Variants in SMIM36 observed in about 807,000 individuals in gnomAD.
SMIM36 encodes small integral membrane protein 36.
At chr17:55,528,195 T>C in the SMIM36 span, 6 of 152,254 alleles carry the variant, frequency 3.9e-5, no homozygotes, top group Non-Finnish European at 8.8e-5. Flanking sequence ...GTTCTCCAAC[T>C]GCCTAGCCTC....
chr17:55,467,567 T>G (rs888826378), intron 3 of SMIM36, among the ~76,000 whole-genome samples: 2 of 152,082 alleles, frequency 1.3e-5, no homozygotes, highest in Non-Finnish European at 2.9e-5. Context: ...CAGCTAATTT[T>G]TTGTATTTTT....
At position 55,494,695 on chromosome 17, in the gene SMIM36, TACAC is replaced by T. The variant is rs559026546; in HGVS notation, c.*175-15119_*175-15116del. 1.5e-3 allele frequency among the ~76,000 whole-genome samples: 234 copies of T among 151,594 alleles called. 6 individuals carry two copies. In the South Asian group the frequency reaches 0.047, roughly 31 times the overall value. On this transcript the variant is annotated intron_variant, in intron 1 of 4. Transcript: ENST00000636752. ...TATTTTGTTTGAACACACACACACA[TACAC>T]ACTCACACGAGTGCTAAAATTATAA...
chr17:55,476,755 C>T (rs1048318526), intron 3 of SMIM36, among the ~76,000 whole-genome samples: 11 of 152,038 alleles, frequency 7.2e-5, no homozygotes, highest in Non-Finnish European at 1.0e-4. Context: ...TTAATAGAGA[C>T]GGGGCTTCAC....
the SMIM36 span, among the ~76,000 whole-genome samples, chr17:55,517,458 G>C: frequency 1.3e-5 from 2 of 152,216 alleles, no homozygotes; most frequent in African/African-American, 4.8e-5. Flanking sequence ...CCCAGCTTGG[G>C]AGGCTGAGGC....
chr17:55,526,041 G>T, the SMIM36 span, among the ~76,000 whole-genome samples: 17 of 152,272 alleles, frequency 1.1e-4, no homozygotes, highest in East Asian at 1.9e-4. Flanking sequence ...GGCCAACAAG[G>T]CCATTCTAAT....
chr17:55,501,865 G>A (rs888915478), intron 1 of SMIM36, among the ~76,000 whole-genome samples: 1 of 134,794 alleles, frequency 7.4e-6, no homozygotes, highest in African/African-American at 3.0e-5. Context: ...CAGGCCAGTG[G>A]GTGCGCGCAC....
intron 1 of SMIM36, among the ~76,000 whole-genome samples, chr17:55,500,526 A>T (rs1909889713): frequency 6.6e-6 from 1 of 151,848 alleles, no homozygotes; most frequent in Non-Finnish European, 1.5e-5. Context: ...TTGAAGAACA[A>T]ATTGAATGAA....
the SMIM36 span, among the ~76,000 whole-genome samples, chr17:55,522,702 T>A: frequency 6.6e-6 from 1 of 152,314 alleles, no homozygotes; most frequent in African/African-American, 2.4e-5. Context: ...AGCCAAATCA[T>A]GTCACCTCCA....
At chr17:55,497,425 C>T (rs536368580) in intron 1 of SMIM36, among the ~76,000 whole-genome samples, 10 of 152,056 alleles carry the variant, frequency 6.6e-5, no homozygotes, top group East Asian at 3.9e-4. Flanking sequence ...CCACCACGCC[C>T]GGCTAATTAT....
At chr17:55,493,414 G>A (rs763096117) in intron 1 of SMIM36, among the ~76,000 whole-genome samples, 4 of 152,146 alleles carry the variant, frequency 2.6e-5, no homozygotes, top group Non-Finnish European at 4.4e-5. Flanking sequence ...GAATATGGAT[G>A]AGAACCAAGC....
At position 55,489,781 on chromosome 17, in the gene SMIM36, C is replaced by G. The variant is rs546328934; in HGVS notation, c.*175-10201G>C. 7.2e-5 allele frequency among the ~76,000 whole-genome samples: 11 copies of G among 152,322 alleles called. No homozygotes were observed. The South Asian group carries it at 1.9e-3, about 26-fold the overall frequency. On this transcript the variant is annotated intron_variant, in intron 1 of 4. Transcript: ENST00000636752. Reference sequence around the variant, plus strand: ...AATTTTGCACATCTATAGCATAATCCTATGGCTCTTATCAAAAGTCTGAGC... The same window carrying G: ...AATTTTGCACATCTATAGCATAATCGTATGGCTCTTATCAAAAGTCTGAGC...
At chr17:55,487,919 G>T (rs1598453581) in intron 1 of SMIM36, among the ~76,000 whole-genome samples, 1 of 152,200 alleles carries the variant, frequency 6.6e-6, no homozygotes, top group Non-Finnish European at 1.5e-5. Flanking sequence ...ACGGAGTGGG[G>T]ATTCCAGACC....
In SMIM36 at chr17:55,510,842, T is replaced by G. The variant is rs904862084; in HGVS notation, c.*174+37A>C. ...TACAGCATTGCTGACAGTTTGCATTTGGAGAATTTGACTAAAGACCACTTT... is the reference window on the plus strand; with the variant it reads ...TACAGCATTGCTGACAGTTTGCATTGGGAGAATTTGACTAAAGACCACTTT... On this transcript the variant is annotated intron_variant, in intron 1 of 4. Coordinates refer to ENST00000636752, the Ensembl canonical transcript of SMIM36. The G allele has an allele frequency of 1.2e-5, 4 of 344,256 alleles. No individual in the cohort carries two copies. The East Asian group carries it at 1.7e-4, about 15-fold the overall frequency. The allele number at this position is 344,256 out of a possible 1,614,324, so 21.3% of individuals were successfully genotyped here. A position where few individuals can be genotyped will look rare whatever the true frequency, so the allele number is the denominator to read the frequency against.
chr17:55,507,596 G>A (rs1337010796), intron 1 of SMIM36, among the ~76,000 whole-genome samples: 2 of 102,456 alleles, frequency 2.0e-5, no homozygotes, highest in African/African-American at 7.6e-5. Context: ...GGGGAGGGGG[G>A]AGGGATAGCA....
At chr17:55,524,463 T>C in the SMIM36 span, among the ~76,000 whole-genome samples, 1 of 152,138 alleles carries the variant, frequency 6.6e-6, no homozygotes, top group Admixed American at 6.6e-5. Flanking sequence ...GGTTGAATGG[T>C]ATTTGTTTTT....
At chr17:55,478,454 T>C (rs1909463425) in intron 3 of SMIM36, among the ~76,000 whole-genome samples, 1 of 152,082 alleles carries the variant, frequency 6.6e-6, no homozygotes, top group Admixed American at 6.5e-5. Context: ...GATCTCGAAC[T>C]CCTGGGCTCA....
At chr17:55,523,109 G>A in the SMIM36 span, among the ~76,000 whole-genome samples, 1 of 152,144 alleles carries the variant, frequency 6.6e-6, no homozygotes, top group Non-Finnish European at 1.5e-5. Context: ...ACCTCAGAAT[G>A]TGACTGTATT....
At chr17:55,518,454 A>G in the SMIM36 span, among the ~76,000 whole-genome samples, 15 of 152,336 alleles carry the variant, frequency 9.8e-5, no homozygotes, top group Middle Eastern at 3.4e-3. Flanking sequence ...GTGACCAACT[A>G]GGTTTAAAGC....
chr17:55,526,206 C>T, the SMIM36 span, among the ~76,000 whole-genome samples: 4 of 151,014 alleles, frequency 2.6e-5, no homozygotes, highest in African/African-American at 7.3e-5. Context: ...TGCAGTGGTG[C>T]GATCTCGGCT....
Sources: allele counts gnomAD v4.1 joint callset (sites outside exome capture counted in the v4.1 genomes callset), GRCh38; gene constraint gnomAD v4.1.1; transcripts MANE v1.5; gene names NCBI Gene and HGNC (gene_info 2026-07-23, HGNC 2026-07-21).